MYOCD: variants seen among roughly 807,000 people sequenced by gnomAD.
The protein encoded by MYOCD is myocardin.
A neutral mutation model predicts 96.1 loss-of-function variants in MYOCD; 32 were observed. That is an observed-to-expected ratio of 0.33 (90% CI 0.25 to 0.45). The LOEUF (loss-of-function observed/expected upper bound fraction) is 0.45. Among genes scored for constraint, MYOCD ranks in the 20% least tolerant of loss-of-function variants. MYOCD has a pLI of 1.00. For missense variants in MYOCD, 1,133 were observed against 1,200.6 expected, an observed-to-expected ratio of 0.94 and a Z score of 0.83; for synonymous variants, 469 against 469.0, an observed-to-expected ratio of 1.00 and a Z score of 0.00.
chr17:12,682,435 G>A (rs1181324809), intron 1 of MYOCD, among the ~76,000 whole-genome samples: 1 of 152,214 alleles, frequency 6.6e-6, no homozygotes, highest in Non-Finnish European at 1.5e-5. Context: ...AAAGACCTAT[G>A]CCTGGTAGTG....
intron 2 of MYOCD, 22 bp from the exon 3 acceptor site, chr17:12,715,497 C>T (rs770370072): frequency 2.2e-5 from 36 of 1,611,694 alleles, no homozygotes; most frequent in Middle Eastern, 3.3e-4. Flanking sequence ...CCTCCACTCA[C>T]GTTTTTGTGT....
chr17:12,763,386 A>T lies in MYOCD; in HGVS notation c.2703A>T (p.Ala901=). 2 of 1,602,510 alleles carry T rather than the reference A, an allele frequency of 1.2e-6. No individual in the cohort carries two copies. The highest frequency in any genetic ancestry group is 1.1e-5 in the South Asian group (1 of 89,132). ...SGKAAEDLFN[A]HEILPGPLSP... ...AGGCTGCAGAAGACCTCTTCAATGC[A>T]CATGAGATCTTGCCAGGCCCCCTCT... The change falls in exon 14 of 14, where the codon GCA becomes GCT. Residue 901 remains alanine, a synonymous_variant. Coordinates refer to ENST00000425538, the MANE Select transcript of MYOCD (RefSeq NM_001146312.3).
chr17:12,674,441 T>G (rs1909891738), intron 1 of MYOCD, among the ~76,000 whole-genome samples: 1 of 151,978 alleles, frequency 6.6e-6, no homozygotes, highest in African/African-American at 2.4e-5. Context: ...GTCCCAGGGG[T>G]TTTAATAAAA....
intron 1 of MYOCD, among the ~76,000 whole-genome samples, chr17:12,698,729 CTTTTTTTTTTTTTT>C (rs55758881): frequency 7.8e-5 from 5 of 64,136 alleles, no homozygotes; most frequent in East Asian, 5.7e-4. Context: ...ACCAGACCCT[CTTTTTTTTTTTTTT>C]TTTTTTTTTT....
In MYOCD at chr17:12,768,765, G is replaced by A. The variant is rs1231243122; in HGVS notation, c.*5121G>A. ...AAGAGCAAGCATAGGTTCTCTGTGG[G>A]ACCTTGTGGAGTGGTGTTTTCACGT... On this transcript the variant is annotated 3_prime_UTR_variant, in exon 14 of 14. Transcript: ENST00000425538. 6.6e-6 allele frequency: 1 copy of A among 152,030 alleles called. No individual in the cohort carries two copies. Among genetic ancestry groups the A allele is most frequent in the African/African-American group, 2.4e-5 (1 of 41,396 alleles). 9.4% of individuals were successfully genotyped at this position (152,030 alleles called of 1,614,324 possible).
chr17:12,715,364 T>C (rs557761243), intron 2 of MYOCD, among the ~76,000 whole-genome samples, 155 bp from the exon 3 acceptor site: 3 of 152,268 alleles, frequency 2.0e-5, no homozygotes, highest in Non-Finnish European at 4.4e-5. Flanking sequence ...GGGCCGCTGG[T>C]GTCCTCCAGG....
intron 5 of MYOCD, among the ~76,000 whole-genome samples, chr17:12,732,840 A>T (rs543461807): frequency 1.6e-4 from 24 of 152,324 alleles, no homozygotes; most frequent in African/African-American, 5.1e-4. Context: ...CAGGGCTGCA[A>T]CAATCTTTCC....
chr17:12,733,320 A>AAAC (rs2032234977), intron 5 of MYOCD, among the ~76,000 whole-genome samples: 2 of 151,460 alleles, frequency 1.3e-5, no homozygotes, highest in South Asian at 2.1e-4. Flanking sequence ...AAAAAAAAAA[A>AAAC]AACAACCAAA....
At chr17:12,696,237 C>T (rs1386356214) in intron 1 of MYOCD, among the ~76,000 whole-genome samples, 3 of 152,082 alleles carry the variant, frequency 2.0e-5, no homozygotes, top group South Asian at 2.1e-4. Context: ...CTCGACCTCC[C>T]AAAGTGCTGG....
chr17:12,751,563 A>G (rs1361889428), intron 9 of MYOCD, among the ~76,000 whole-genome samples: 2 of 152,232 alleles, frequency 1.3e-5, no homozygotes, highest in African/African-American at 4.8e-5. Context: ...TAATAATATT[A>G]GTAAAACTTT....
At chr17:12,747,049 TA>T (rs1340276706) in intron 9 of MYOCD, among the ~76,000 whole-genome samples, 4 of 132,536 alleles carry the variant, frequency 3.0e-5, no homozygotes, top group East Asian at 2.3e-4. Context: ...TTTTTTTTTT[TA>T]AATATAAACC....
At chr17:12,703,449 C>T (rs2031164050) in intron 1 of MYOCD, among the ~76,000 whole-genome samples, 1 of 151,934 alleles carries the variant, frequency 6.6e-6, no homozygotes, top group South Asian at 2.1e-4. Context: ...TAATTCTGTC[C>T]ATTTTTGCTT....
chr17:12,666,512 A>G (rs1909383900), intron 1 of MYOCD, among the ~76,000 whole-genome samples: 1 of 152,188 alleles, frequency 6.6e-6, no homozygotes, highest in Non-Finnish European at 1.5e-5. Context: ...ATGAATAGAA[A>G]TTTTGGAGGG....
intron 10 of MYOCD, 35 bp from the exon 11 acceptor site, chr17:12,756,379 G>A (rs771259275): frequency 1.2e-5 from 19 of 1,551,610 alleles, no homozygotes; most frequent in Admixed American, 5.9e-5. Context: ...GTAAGCTGCT[G>A]CTGGCCATGT....
rs1031444549 is a variant in MYOCD, at chr17:12,752,772, A to G, written c.1484A>G (p.Glu495Gly). The change falls in exon 10 of 14, where the codon GAA becomes GGA. Residue 495 changes from glutamate to glycine, a missense_variant. By Grantham distance (98) the Glu-to-Gly change is moderately conservative. Coordinates refer to ENST00000425538, the MANE Select transcript of MYOCD (RefSeq NM_001146312.3). ...TCCCCAGTCCACGTGTGCACGGAGG[A>G]AAGTCTCATGAGCAGCCTGAATGGG... is the stretch of plus-strand genomic sequence containing the variant. ...HPSPVHVCTEESLMSSLNGGS... is the reference protein window; with the variant it reads ...HPSPVHVCTEGSLMSSLNGGS... 1 of 1,613,982 alleles carries G rather than the reference A, an allele frequency of 6.2e-7. No individual in the cohort carries two copies. Among genetic ancestry groups the G allele is most frequent in the South Asian group, 1.1e-5 (1 of 91,048 alleles).
At chr17:12,679,875 C>G (rs1456225142) in intron 1 of MYOCD, among the ~76,000 whole-genome samples, 1 of 152,162 alleles carries the variant, frequency 6.6e-6, no homozygotes, top group Non-Finnish European at 1.5e-5. Flanking sequence ...TATCCATGTT[C>G]AGGTATATGA....
At chr17:12,699,847 A>G (rs746361691) in intron 1 of MYOCD, among the ~76,000 whole-genome samples, 5 of 152,020 alleles carry the variant, frequency 3.3e-5, no homozygotes, top group Non-Finnish European at 4.4e-5. Flanking sequence ...AACATATCCA[A>G]AGATCCCAGA....
chr17:12,739,661 C>T (rs1265307761), intron 7 of MYOCD, among the ~76,000 whole-genome samples: 1 of 152,186 alleles, frequency 6.6e-6, no homozygotes, highest in Non-Finnish European at 1.5e-5. Flanking sequence ...TTGCAAGTTT[C>T]ATAAAATAGG....
At chr17:12,750,340 G>C (rs1368375389) in intron 9 of MYOCD, among the ~76,000 whole-genome samples, 1 of 152,134 alleles carries the variant, frequency 6.6e-6, no homozygotes, top group Admixed American at 6.5e-5. Flanking sequence ...TGCTGATGTT[G>C]CTTGTCTAAG....
Sources: gnomAD v4.1 joint callset for allele counts (sites outside exome capture counted in the v4.1 genomes callset) on GRCh38, gnomAD v4.1.1 for gene constraint, MANE v1.5 for transcripts, NCBI Gene and HGNC (gene_info 2026-07-23, HGNC 2026-07-21) for gene names.